The following DNAH11 variants were observed in gnomAD, a reference collection of about 807,000 sequenced individuals.
DNAH11 encodes the protein dynein axonemal heavy chain 11.
DNAH11 carries 442 observed loss-of-function variants against 526.0 expected under a neutral mutation model. The observed-to-expected ratio is 0.84, with a 90% CI of 0.78 to 0.91. The LOEUF is 0.91. DNAH11 is among the 40% of genes least tolerant of loss of function. The pLI is 0.00. For synonymous variants in DNAH11, 2,461 were observed against 1,935.9 expected, an observed-to-expected ratio of 1.27 and a Z score of -7.12; for missense variants, 6,989 against 5,448.7, an observed-to-expected ratio of 1.28 and a Z score of -8.90.
chr7:21,564,035 T>G (rs1583484502), intron 5 of DNAH11, 151 bp from the exon 6 acceptor site: 1 of 568,340 alleles, frequency 1.8e-6, no homozygotes, highest in Non-Finnish European at 3.0e-6. Context: ...TGCTCGTGTG[T>G]AGATTGTAGG....
intron 55 of DNAH11, among the ~76,000 whole-genome samples, chr7:21,766,993 G>A (rs1466565896): frequency 6.6e-6 from 1 of 152,102 alleles, no homozygotes; most frequent in Non-Finnish European, 1.5e-5. Context: ...AATAAGAAAT[G>A]ATCTCTTCTA....
rs1554291075 is a variant in DNAH11 at position 21,872,138 on chromosome 7, A to AAACAAACAAACAAAC, written c.11968-1134_11968-1133insCAAACAAACAAACAA. On this transcript the variant is annotated intron_variant, in intron 73 of 81. Coordinates refer to ENST00000409508, the MANE Select transcript of DNAH11 (RefSeq NM_001277115.2). ...GACTCTGTCTCAAAAAAAAAAAAAA[A>AAACAAACAAACAAAC]AAAAAAAAAAACCTTCATAATGACC... 1.7e-4 allele frequency among the ~76,000 whole-genome samples: 22 copies of AAACAAACAAACAAAC among 129,002 alleles called. 1 individual carries two copies. Among genetic ancestry groups the AAACAAACAAACAAAC allele is most frequent in the African/African-American group, 2.4e-4 (7 of 29,422 alleles). 84.6% of individuals were successfully genotyped at this position (129,002 alleles called of 152,430 possible).
intron 30 of DNAH11, among the ~76,000 whole-genome samples, chr7:21,679,979 C>T (rs755406473): frequency 6.6e-6 from 1 of 152,138 alleles, no homozygotes; most frequent in Non-Finnish European, 1.5e-5. Context: ...ATTCACTCGT[C>T]ATTTAGCATT....
rs771785210 is a variant in DNAH11 at position 21,698,199 on chromosome 7, C to A, written c.6166C>A (p.Leu2056Ile). Residue 2056 changes from leucine to isoleucine, a missense_variant, in exon 36 of 82, where the codon CTT (leucine) becomes ATT (isoleucine). Coordinates refer to ENST00000409508, the MANE Select transcript of DNAH11 (RefSeq NM_001277115.2). ...FITLYTLCKE[L>I]LSKQDHYDWG... is the part of the protein sequence containing the mutation. ...TACGTTGTACACGCTTTGCAAGGAG[C>A]TTCTCTCCAAGCAGGTGAGGGATCA... 6.2e-7 allele frequency: 1 copy of A among 1,613,436 alleles called. No individual in the cohort carries two copies. Among genetic ancestry groups the A allele is most frequent in the Admixed American group, 1.7e-5 (1 of 59,936 alleles).
At chr7:21,704,815 C>G (rs528005359) in intron 38 of DNAH11, among the ~76,000 whole-genome samples, 187 bp downstream of exon 38, 5 of 152,130 alleles carry the variant, frequency 3.3e-5, no homozygotes, top group African/African-American at 1.2e-4. Context: ...AGCCCCTCTC[C>G]GTAAGGTGAA....
intron 61 of DNAH11, among the ~76,000 whole-genome samples, chr7:21,796,740 T>C (rs1479040240): frequency 6.6e-6 from 1 of 152,162 alleles, no homozygotes; most frequent in Non-Finnish European, 1.5e-5. Flanking sequence ...TGAGCTTGAG[T>C]AACATTTTTG....
rs762047594 is a variant in DNAH11 at position 21,739,599 on chromosome 7, G to C, written c.7840G>C (p.Glu2614Gln). ...TGATAGACAGAAGGTGATGCTTAAA[G>C]AAATCCATAACTGCCAGTATGTCGC... ...WYDRQKVMLK[E>Q]IHNCQYVACM... Residue 2614 changes from glutamate (E) to glutamine (Q), a missense_variant, in exon 48 of 82, where the codon GAA (glutamate) becomes CAA (glutamine). Coordinates refer to ENST00000409508, the MANE Select transcript of DNAH11 (RefSeq NM_001277115.2). The C allele has an allele frequency of 6.2e-7, 1 of 1,612,646 alleles. No individual in the cohort carries two copies. Among genetic ancestry groups the C allele is most frequent in the South Asian group, 1.1e-5 (1 of 90,566 alleles).
intron 25 of DNAH11, among the ~76,000 whole-genome samples, chr7:21,621,813 G>A (rs1402523483): frequency 4.6e-5 from 7 of 152,042 alleles, no homozygotes; most frequent in Admixed American, 1.3e-4. Flanking sequence ...TTGATGGGAC[G>A]TATCTCAAAA....
At chr7:21,612,847 A>G (rs1785588409) in intron 20 of DNAH11, among the ~76,000 whole-genome samples, 1 of 152,252 alleles carries the variant, frequency 6.6e-6, no homozygotes, top group East Asian at 1.9e-4. Flanking sequence ...AATAAGTTTC[A>G]CTTAACATTA....
rs568139874 is a variant in DNAH11 at position 21,573,986 on chromosome 7, G to T, written c.1593+2013G>T. On this transcript the variant is annotated intron_variant, in intron 8 of 81. Coordinates refer to ENST00000409508, the MANE Select transcript of DNAH11 (RefSeq NM_001277115.2). ...AATCAGGCTTTGAGCCTTTATTGGC[G>T]TACCGAAAGGTTTGCTGCCGTGGTC... Among the ~76,000 whole-genome samples, 22 of 152,246 alleles carry T rather than the reference G, an allele frequency of 1.4e-4. No homozygotes were observed. The South Asian group carries it at 4.1e-3, about 29-fold the overall frequency.
intron 9 of DNAH11, 133 bp from the exon 10 acceptor site, chr7:21,587,931 T>C: frequency 1.3e-6 from 1 of 759,534 alleles, no homozygotes; most frequent in East Asian, 2.9e-5. Context: ...ACATTTTACA[T>C]TTTGAAGCAT....
chr7:21,632,479 C>T (rs1786661942), intron 25 of DNAH11, among the ~76,000 whole-genome samples: 3 of 152,176 alleles, frequency 2.0e-5, no homozygotes, highest in Admixed American at 6.5e-5. Context: ...CCTGTAACAG[C>T]ACCCAAGTCA....
chr7:21,879,360 G>GGCAGAA (rs1186797039), intron 74 of DNAH11, among the ~76,000 whole-genome samples: 2 of 152,056 alleles, frequency 1.3e-5, no homozygotes, highest in Non-Finnish European at 2.9e-5. Context: ...GGGAGGCTGA[G>GGCAGAA]GCAGAAGAAT....
At chr7:21,647,427 CT>C (rs71026810) in intron 28 of DNAH11, among the ~76,000 whole-genome samples, 4,334 of 121,178 alleles carry the variant, frequency 0.036, 159 homozygotes, top group African/African-American at 0.12. Context: ...TTCTTTCTTT[CT>C]TTTTTTTTTT....
At chr7:21,600,227 A>C (rs1227216665) in intron 15 of DNAH11, 108 bp downstream of exon 15, 1 of 977,888 alleles carries the variant, frequency 1.0e-6, no homozygotes, top group Non-Finnish European at 1.4e-6. Context: ...TGGGAGGCTG[A>C]GGCAAGAGGA....
At chr7:21,564,516 G>A in intron 6 of DNAH11, 119 bp downstream of exon 6, 2 of 712,180 alleles carry the variant, frequency 2.8e-6, no homozygotes, top group Non-Finnish European at 4.3e-6. Context: ...TCTTTTTTCA[G>A]AAAGGACATT....
chr7:21,732,384 C>T (rs574443462), intron 45 of DNAH11, among the ~76,000 whole-genome samples: 1 of 152,272 alleles, frequency 6.6e-6, no homozygotes, highest in East Asian at 1.9e-4. Context: ...AACTTAATCA[C>T]CTCTTTAAAG....
chr7:21,596,736 AT>A (rs1784877050), intron 14 of DNAH11, among the ~76,000 whole-genome samples: 1 of 152,194 alleles, frequency 6.6e-6, no homozygotes. Context: ...AAATGTTAGA[AT>A]TTTTTGTATT....
intron 20 of DNAH11, among the ~76,000 whole-genome samples, chr7:21,614,863 A>C (rs1776518240): frequency 6.6e-6 from 1 of 152,192 alleles, no homozygotes; most frequent in African/African-American, 2.4e-5. Flanking sequence ...ATGAAGAAGA[A>C]ATTTTGCTAA....
Sources: gnomAD v4.1 joint callset for allele counts (sites outside exome capture counted in the v4.1 genomes callset) on GRCh38, gnomAD v4.1.1 for gene constraint, MANE v1.5 for transcripts, NCBI Gene and HGNC (gene_info 2026-07-23, HGNC 2026-07-21) for gene names.